The following NEDD4L variants were observed in gnomAD, a reference collection of about 807,000 sequenced individuals.
NEDD4L encodes the protein E3 ubiquitin-protein ligase NEDD4-like.
In NEDD4L, 54 loss-of-function variants were observed where a neutral mutation model predicts 148.9. The ratio of observed to expected loss-of-function variants is 0.36; its 90% confidence interval spans 0.29 to 0.45. The LOEUF is 0.45. Among genes scored for constraint, NEDD4L ranks in the 20% least tolerant of loss-of-function variants. The pLI is 1.00. For missense variants in NEDD4L, 856 were observed against 1,233.8 expected (o/e 0.69, Z 4.59); for synonymous variants, 433 against 440.7 (o/e 0.98, Z 0.22).
rs560074490 is a variant in NEDD4L at position 58,195,923 on chromosome 18, C to T, written c.122+30062C>T. On this transcript the variant is annotated intron_variant, in intron 2 of 30. Coordinates refer to ENST00000400345, the MANE Select transcript of NEDD4L (RefSeq NM_001144967.3). Reference sequence around the variant, plus strand: ...TTTTGCATGCTTCAAAATCAAAAGGCGGCACAGTGAAAACATTTTAATTAT... The same window carrying T: ...TTTTGCATGCTTCAAAATCAAAAGGTGGCACAGTGAAAACATTTTAATTAT... Among the ~76,000 whole-genome samples the T allele has an allele frequency of 3.9e-5, 6 of 152,262 alleles. No homozygotes were observed. The highest frequency in any genetic ancestry group is 5.9e-5 in the Non-Finnish European group (4 of 68,028).
intron 2 of NEDD4L, among the ~76,000 whole-genome samples, chr18:58,225,920 T>C (rs369188321): frequency 6.6e-6 from 1 of 152,194 alleles, no homozygotes; most frequent in Non-Finnish European, 1.5e-5. Flanking sequence ...ACAGTTTTGT[T>C]TTCTTCTGCC....
chr18:58,175,227 A>G (rs2037987390), intron 2 of NEDD4L, among the ~76,000 whole-genome samples: 2 of 152,250 alleles, frequency 1.3e-5, no homozygotes, highest in Admixed American at 6.5e-5. Flanking sequence ...CTGGGCCTGC[A>G]TCTGTGCAAG....
chr18:58,256,536 A>C lies in NEDD4L; in HGVS notation c.297+4482A>C. 3.2e-6 allele frequency: 4 copies of C among 1,232,258 alleles called. No homozygotes were observed. Among genetic ancestry groups the C allele is most frequent in the Non-Finnish European group, 4.0e-6 (4 of 988,056 alleles). The allele number at this position is 1,232,258 out of a possible 1,614,324, so 76.3% of individuals were successfully genotyped here. A position where few individuals can be genotyped will look rare whatever the true frequency, so the allele number is the denominator to read the frequency against. On this transcript the variant is annotated intron_variant, in intron 5 of 30. Coordinates refer to ENST00000400345, the MANE Select transcript of NEDD4L (RefSeq NM_001144967.3). This position sits in a 1 kb window ranked among gnomAD's most constrained non-coding sequence, Gnocchi z 5.2. ...CGAAGCGAGCGAGGGAGCCCCACGG[A>C]AGATCGGGGAGCCCTGGAGGCATCG... is the stretch of plus-strand genomic sequence containing the variant.
At chr18:58,282,051 C>T (rs2053214562) in intron 5 of NEDD4L, among the ~76,000 whole-genome samples, 1 of 150,462 alleles carries the variant, frequency 6.6e-6, no homozygotes, top group Non-Finnish European at 1.5e-5. Context: ...AACAAAATAA[C>T]TATAAAATGT....
intron 2 of NEDD4L, among the ~76,000 whole-genome samples, chr18:58,185,827 C>A: frequency 6.6e-6 from 1 of 151,716 alleles, no homozygotes; most frequent in East Asian, 1.9e-4. Context: ...GAGCCAAGAT[C>A]GCGCCATTGC....
At chr18:58,336,752 G>A (rs2144966021) in intron 13 of NEDD4L, among the ~76,000 whole-genome samples, 1 of 152,292 alleles carries the variant, frequency 6.6e-6, no homozygotes, top group East Asian at 1.9e-4. Context: ...GTCAGCCCCA[G>A]AACACTCAGC....
chr18:58,401,028 A>C lies in NEDD4L; in HGVS notation c.*4759A>C, dbSNP rs1000360038. On this transcript the variant is annotated 3_prime_UTR_variant, in exon 31 of 31. Coordinates refer to ENST00000400345, the MANE Select transcript of NEDD4L (RefSeq NM_001144967.3). ...TTTAGTCCCTTCTGCAGTTTTCTCC[A>C]AGCTGTGTCCTGTGAATTTCAACCC... 1.3e-5 allele frequency: 2 copies of C among 152,096 alleles called. No individual in the cohort carries two copies. The highest frequency in any genetic ancestry group is 2.9e-5 in the Non-Finnish European group (2 of 68,018). The allele number at this position is 152,096 out of a possible 1,614,324, so 9.4% of individuals were successfully genotyped here. A position where few individuals can be genotyped will look rare whatever the true frequency, so the allele number is the denominator to read the frequency against.
At chr18:58,206,271 T>G (rs535709310) in intron 2 of NEDD4L, among the ~76,000 whole-genome samples, 2 of 152,090 alleles carry the variant, frequency 1.3e-5, no homozygotes, top group African/African-American at 4.8e-5. Flanking sequence ...TGCCTATAAT[T>G]CCAGCTACTT....
At chr18:58,363,192 A>G (rs751999974) in intron 19 of NEDD4L, among the ~76,000 whole-genome samples, 5 of 152,194 alleles carry the variant, frequency 3.3e-5, no homozygotes, top group African/African-American at 1.2e-4. Flanking sequence ...TTATATAAAC[A>G]TGTCTTAAAA....
Position 58,399,737 on chromosome 18 carries a change from C to T in NEDD4L, c.*3468C>T, listed in dbSNP as rs538080575. ...CTGACCTCAGGTGATCCTCCCGCCT[C>T]AGCCTTCCAAAGTGCTGGGATTACA... On this transcript the variant is annotated 3_prime_UTR_variant, in exon 31 of 31. Coordinates refer to ENST00000400345, the MANE Select transcript of NEDD4L (RefSeq NM_001144967.3). 12 of 152,348 alleles carry T rather than the reference C, an allele frequency of 7.9e-5. No homozygotes were observed. In the East Asian group the frequency reaches 2.3e-3, roughly 29 times the overall value. The allele number at this position is 152,348 out of a possible 1,614,324, so 9.4% of individuals were successfully genotyped here.
At chr18:58,215,717 AT>A (rs929690277) in intron 2 of NEDD4L, among the ~76,000 whole-genome samples, 64 of 152,338 alleles carry the variant, frequency 4.2e-4, no homozygotes, top group African/African-American at 1.5e-3. Context: ...CTGAAAAAAA[AT>A]AGAGGAAAAA....
intron 5 of NEDD4L, among the ~76,000 whole-genome samples, chr18:58,281,814 A>G (rs2053156700): frequency 6.6e-6 from 1 of 152,058 alleles, no homozygotes; most frequent in South Asian, 2.1e-4. Flanking sequence ...TCACGAGGTC[A>G]GGAGATCGAG....
intron 1 of NEDD4L, among the ~76,000 whole-genome samples, chr18:58,135,579 C>T (rs1052891955): frequency 3.9e-5 from 6 of 152,202 alleles, no homozygotes; most frequent in South Asian, 2.1e-4. Flanking sequence ...ACTGAAGTTC[C>T]GAGTTGTGAT....
At chr18:58,142,919 G>A (rs771325426) in intron 1 of NEDD4L, among the ~76,000 whole-genome samples, 6 of 152,018 alleles carry the variant, frequency 3.9e-5, no homozygotes, top group South Asian at 2.1e-4. Flanking sequence ...GTATCTGGAC[G>A]CTGGCAGGGT....
At chr18:58,205,581 G>A (rs1346995071) in intron 2 of NEDD4L, among the ~76,000 whole-genome samples, 2 of 151,862 alleles carry the variant, frequency 1.3e-5, no homozygotes, top group Non-Finnish European at 2.9e-5. Flanking sequence ...TGTGTCAGTT[G>A]GGAGAGGGAA....
chr18:58,206,038 A>G (rs1050841316), intron 2 of NEDD4L, among the ~76,000 whole-genome samples: 3 of 152,172 alleles, frequency 2.0e-5, no homozygotes, highest in Non-Finnish European at 2.9e-5. Context: ...TAATTGCAAT[A>G]AAGCTATTTG....
At chr18:58,358,075 G>A (rs2044943402) in intron 19 of NEDD4L, among the ~76,000 whole-genome samples, 1 of 152,202 alleles carries the variant, frequency 6.6e-6, no homozygotes, top group Non-Finnish European at 1.5e-5. Flanking sequence ...ACTGAAGTTT[G>A]TTATATCACA....
At chr18:58,193,380 C>T (rs915407905) in intron 2 of NEDD4L, among the ~76,000 whole-genome samples, 1 of 152,362 alleles carries the variant, frequency 6.6e-6, no homozygotes, top group South Asian at 2.1e-4. Flanking sequence ...GCACCCTCTC[C>T]TGTCATACTG....
rs565886876 is a variant in NEDD4L at position 58,374,911 on chromosome 18, A to T, written c.2352+1642A>T. ...GCTGCACCCATCTCCGCTCACCACC[A>T]GCCTCTTATCTCAGGCCGGCGTCTG... On this transcript the variant is annotated intron_variant, in intron 24 of 30. Coordinates refer to ENST00000400345, the MANE Select transcript of NEDD4L (RefSeq NM_001144967.3). 1.2e-3 allele frequency among the ~76,000 whole-genome samples: 175 copies of T among 152,044 alleles called. 1 individual carries two copies. Among genetic ancestry groups the T allele is most frequent in the Non-Finnish European group, 2.2e-3 (151 of 68,008 alleles).
Sources: allele counts gnomAD v4.1 joint callset (sites outside exome capture counted in the v4.1 genomes callset), GRCh38; gene constraint gnomAD v4.1.1; non-coding constraint Gnocchi (gnomAD v3.1); transcripts MANE v1.5; gene names NCBI Gene and HGNC (gene_info 2026-07-23, HGNC 2026-07-21).